CMC1: variants seen among roughly 807,000 people sequenced by gnomAD.
The protein encoded by CMC1 is C-X9-C motif containing 1.
Under a neutral mutation model 14.1 loss-of-function variants are expected in CMC1, and 14 were observed. The observed-to-expected ratio is 0.99, with a 90% CI of 0.66 to 1.55. CMC1 has a LOEUF of 1.55. Ranked by LOEUF, CMC1 falls within the 40% of genes most tolerant of loss-of-function variation. CMC1 has a pLI of 0.00. For missense variants in CMC1, 127 were observed against 123.8 expected (o/e 1.03, Z -0.12); for synonymous variants, 50 against 38.4 (o/e 1.30, Z -1.12).
At chr3:28,264,257 T>C (rs1051937756) in intron 2 of CMC1, among the ~76,000 whole-genome samples, 2 of 152,202 alleles carry the variant, frequency 1.3e-5, no homozygotes, top group African/African-American at 2.4e-5. Context: ...GGGCTGCACT[T>C]CCACTGCAAG....
chr3:28,288,584 T>A (rs1177864905), intron 2 of CMC1, among the ~76,000 whole-genome samples: 1 of 152,016 alleles, frequency 6.6e-6, no homozygotes, highest in African/African-American at 2.4e-5. Context: ...AAGGTAAATG[T>A]ACAACTGCAA....
Position 28,269,626 on chromosome 3 carries a change from C to T in CMC1, c.109+6246C>T, listed in dbSNP as rs573591695. 7.9e-5 allele frequency among the ~76,000 whole-genome samples: 12 copies of T among 151,678 alleles called. No individual in the cohort carries two copies. In the South Asian group the frequency reaches 8.3e-4, roughly 11 times the overall value. On this transcript the variant is annotated intron_variant, in intron 2 of 3. Transcript: ENST00000466830. ...TGTTGCCTAAGCTGGAGGGTAGTGGCGCAATCTCAGCTCACTGCAACCACT... is the reference window on the plus strand; with the variant it reads ...TGTTGCCTAAGCTGGAGGGTAGTGGTGCAATCTCAGCTCACTGCAACCACT...
intron 1 of CMC1, among the ~76,000 whole-genome samples, chr3:28,248,868 C>T (rs1022666392): frequency 1.7e-4 from 26 of 152,198 alleles, no homozygotes; most frequent in African/African-American, 5.6e-4. Context: ...CAGCTCACTG[C>T]AAGCTCCGCT....
At chr3:28,274,068 G>A (rs1022149957) in intron 2 of CMC1, among the ~76,000 whole-genome samples, 1 of 151,722 alleles carries the variant, frequency 6.6e-6, no homozygotes, top group African/African-American at 2.4e-5. Context: ...TCTTCTAATT[G>A]GGGGCATTTA....
In CMC1 at chr3:28,321,268, A is replaced by G. The variant is rs1389777306; in HGVS notation, c.*1639A>G. ...GCATTTCCTAGAGCACAGGAAGTTAACTGTTTTTAGAGATAAATGAAAATG... is the reference window on the plus strand; with the variant it reads ...GCATTTCCTAGAGCACAGGAAGTTAGCTGTTTTTAGAGATAAATGAAAATG... On this transcript the variant is annotated 3_prime_UTR_variant, in exon 4 of 4. Coordinates refer to ENST00000466830, the MANE Select transcript of CMC1 (RefSeq NM_182523.2). 1 of 151,338 alleles carries G rather than the reference A, an allele frequency of 6.6e-6. No individual in the cohort carries two copies. Among genetic ancestry groups the G allele is most frequent in the Non-Finnish European group, 1.5e-5 (1 of 67,516 alleles). The allele number at this position is 151,338 out of a possible 1,614,324, so 9.4% of individuals were successfully genotyped here.
At chr3:28,243,472 AG>A (rs1698643617) in intron 1 of CMC1, among the ~76,000 whole-genome samples, 1 of 152,236 alleles carries the variant, frequency 6.6e-6, no homozygotes, top group South Asian at 2.1e-4. Context: ...AATTTAGACA[AG>A]GAAATTTGGG....
At chr3:28,273,672 G>A (rs1008218267) in intron 2 of CMC1, among the ~76,000 whole-genome samples, 1 of 152,096 alleles carries the variant, frequency 6.6e-6, no homozygotes, top group Non-Finnish European at 1.5e-5. Context: ...TTTCTGTCTC[G>A]ATGATCTGTC....
chr3:28,308,402 A>G (rs1039759195), intron 2 of CMC1, among the ~76,000 whole-genome samples: 6 of 152,186 alleles, frequency 3.9e-5, no homozygotes, highest in Non-Finnish European at 5.9e-5. Flanking sequence ...AGGGGATTTC[A>G]TCATTTTCTT....
At chr3:28,313,371 C>T (rs1702737870) in intron 2 of CMC1, among the ~76,000 whole-genome samples, 1 of 151,956 alleles carries the variant, frequency 6.6e-6, no homozygotes, top group African/African-American at 2.4e-5. Flanking sequence ...TTAAGATAGA[C>T]TGAATTGAAT....
chr3:28,241,804 A>G lies in CMC1; in HGVS notation c.11A>G (p.Asp4Gly), dbSNP rs929430366. MAL[D>G]PADQHLRHVE... ...TCTCGGCCCGCCGAGATGGCGCTCGACCCCGCAGGTACCGGGGCGGGAAGC... is the reference window on the plus strand; with the variant it reads ...TCTCGGCCCGCCGAGATGGCGCTCGGCCCCGCAGGTACCGGGGCGGGAAGC... Residue 4 changes from aspartate to glycine, a missense_variant, in exon 1 of 4, where the codon GAC (aspartate) becomes GGC (glycine). Transcript: ENST00000466830. 1.6e-6 allele frequency: 2 copies of G among 1,239,344 alleles called. No homozygotes were observed. The highest frequency in any genetic ancestry group is 2.0e-6 in the Non-Finnish European group (2 of 988,048). 76.8% of individuals were successfully genotyped at this position (1,239,344 alleles called of 1,614,324 possible).
chr3:28,294,495 T>G, intron 2 of CMC1: 1 of 968,122 alleles, frequency 1.0e-6, no homozygotes, highest in East Asian at 1.1e-4. Context: ...TTTTCCAAAC[T>G]AAGTGGACGA....
At chr3:28,309,544 A>T (rs770924472) in intron 2 of CMC1, among the ~76,000 whole-genome samples, 3 of 151,850 alleles carry the variant, frequency 2.0e-5, no homozygotes, top group Non-Finnish European at 4.4e-5. Context: ...TTTCATTTTT[A>T]TTCACTCACT....
rs77783512 is a variant in CMC1 at position 28,290,283 on chromosome 3, A to G, written c.110-26050A>G. 7.3e-3 allele frequency among the ~76,000 whole-genome samples: 1,108 copies of G among 152,146 alleles called. 16 individuals are homozygous for G. Among genetic ancestry groups the G allele is most frequent in the African/African-American group, 0.023 (942 of 41,474 alleles). The stretch of plus-strand genomic sequence containing the variant: ...TGCTTGATTTTATTGCCAATAGTTA[A>G]TTTAATAAGAGTCTTTGGGTTCTAG... On this transcript the variant is annotated intron_variant, in intron 2 of 3. Coordinates refer to ENST00000466830, the MANE Select transcript of CMC1 (RefSeq NM_182523.2).
chr3:28,261,814 A>G (rs534206704), intron 1 of CMC1, among the ~76,000 whole-genome samples: 2 of 152,260 alleles, frequency 1.3e-5, no homozygotes, highest in South Asian at 4.1e-4. Flanking sequence ...CTCAGAACCC[A>G]TGTGTATGAA....
At chr3:28,289,491 T>A (rs537215242) in intron 2 of CMC1, among the ~76,000 whole-genome samples, 37 of 152,104 alleles carry the variant, frequency 2.4e-4, no homozygotes, top group African/African-American at 8.9e-4. Context: ...TAGTTGCCAT[T>A]TAGGGTCGTA....
At chr3:28,253,153 C>T (rs1277115962) in intron 1 of CMC1, among the ~76,000 whole-genome samples, 2 of 152,190 alleles carry the variant, frequency 1.3e-5, no homozygotes, top group Non-Finnish European at 2.9e-5. Context: ...TTGAGAAAAA[C>T]TGGAGTCTGC....
intron 2 of CMC1, among the ~76,000 whole-genome samples, chr3:28,315,518 C>A (rs1385880323): frequency 6.6e-6 from 1 of 152,138 alleles, no homozygotes; most frequent in Admixed American, 6.5e-5. Flanking sequence ...AGGTGGGAAT[C>A]CACCGGCTTT....
chr3:28,278,436 T>C (rs1700705695), intron 2 of CMC1, among the ~76,000 whole-genome samples: 1 of 152,214 alleles, frequency 6.6e-6, no homozygotes, highest in Non-Finnish European at 1.5e-5. Flanking sequence ...AGAATGTTTG[T>C]ACAATTGTGG....
intron 2 of CMC1, among the ~76,000 whole-genome samples, chr3:28,289,816 A>C (rs1701376655): frequency 6.6e-6 from 1 of 152,170 alleles, no homozygotes; most frequent in African/African-American, 2.4e-5. Flanking sequence ...TAATGTAGAA[A>C]ATATAAAATG....
Sources: allele counts gnomAD v4.1 joint callset (sites outside exome capture counted in the v4.1 genomes callset), GRCh38; gene constraint gnomAD v4.1.1; transcripts MANE v1.5; gene names NCBI Gene and HGNC (gene_info 2026-07-23, HGNC 2026-07-21).